The following CNTN5 variants were observed in gnomAD, a reference collection of about 807,000 sequenced individuals.
CNTN5 encodes contactin-5.
Under a neutral mutation model 129.1 loss-of-function variants are expected in CNTN5, and 77 were observed. That is an observed-to-expected ratio of 0.60 (90% confidence interval 0.50 to 0.72). The LOEUF is 0.72. CNTN5 is among the 30% of genes least tolerant of loss of function. The pLI, the probability that CNTN5 is intolerant of heterozygous loss-of-function variation, is 0.00. For missense variants in CNTN5, 1,478 were observed against 1,328.8 expected (o/e 1.11, Z -1.75); for synonymous variants, 509 against 465.6 (o/e 1.09, Z -1.20).
intron 1 of CNTN5, among the ~76,000 whole-genome samples, chr11:99,034,481 T>C (rs1358427226): frequency 6.6e-6 from 1 of 151,726 alleles, no homozygotes; most frequent in Admixed American, 6.6e-5. Flanking sequence ...TTCAACTTCT[T>C]CCTGGTTTAG....
intron 9 of CNTN5, among the ~76,000 whole-genome samples, chr11:100,011,254 C>T (rs1243878209): frequency 6.6e-6 from 1 of 152,094 alleles, no homozygotes; most frequent in East Asian, 1.9e-4. Context: ...AGAAAGAGCA[C>T]TAGATATGTC....
chr11:100,206,738 A>G (rs1053498809), intron 15 of CNTN5, among the ~76,000 whole-genome samples: 9 of 152,132 alleles, frequency 5.9e-5, no homozygotes, highest in Non-Finnish European at 1.3e-4. Flanking sequence ...GACTAATATC[A>G]GAACTTCTGC....
chr11:99,359,557 T>A lies in CNTN5; in HGVS notation c.-71+34073T>A, dbSNP rs375465264. Among the ~76,000 whole-genome samples, 19 of 151,112 alleles carry A rather than the reference T, an allele frequency of 1.3e-4. No individual in the cohort carries two copies. In the East Asian group the frequency reaches 1.5e-3, roughly 12 times the overall value. Reference sequence around the variant, plus strand: ...AGCTCCCGAAGTCTTACCTTGTTCCTTATTTATATATGTAAATTACCTTAT... The same window carrying A: ...AGCTCCCGAAGTCTTACCTTGTTCCATATTTATATATGTAAATTACCTTAT... On this transcript the variant is annotated intron_variant, in intron 2 of 24. Transcript: ENST00000524871.
At chr11:100,016,391 T>G (rs1052616484) in intron 9 of CNTN5, among the ~76,000 whole-genome samples, 4 of 152,122 alleles carry the variant, frequency 2.6e-5, no homozygotes, top group African/African-American at 9.7e-5. Context: ...TATTCTTTAC[T>G]TTTATTTTGT....
chr11:100,158,349 A>G (rs1201885196), intron 13 of CNTN5, among the ~76,000 whole-genome samples: 1 of 151,468 alleles, frequency 6.6e-6, no homozygotes, highest in African/African-American at 2.4e-5. Context: ...ATAATAATGT[A>G]TTGCATACTT....
rs115814730 is a variant in CNTN5, at chr11:99,739,885, A to G, written c.56-79659A>G. Among the ~76,000 whole-genome samples the G allele has an allele frequency of 2.6e-3, 402 of 152,286 alleles. 2 individuals carry two copies. Among genetic ancestry groups the G allele is most frequent in the African/African-American group, 9.2e-3 (382 of 41,574 alleles). On this transcript the variant is annotated intron_variant, in intron 3 of 24. Coordinates refer to ENST00000524871, the MANE Select transcript of CNTN5 (RefSeq NM_014361.4). ...GGAGCTTTTAAAAACTTTAGCTGGC[A>G]CAAGGGACTAGGTGTGTTAAATATG...
At chr11:99,882,070 G>A (rs1433224595) in intron 6 of CNTN5, among the ~76,000 whole-genome samples, 1 of 152,154 alleles carries the variant, frequency 6.6e-6, no homozygotes, top group Admixed American at 6.5e-5. Flanking sequence ...CTGACACAAA[G>A]CCATCTCAGC....
chr11:99,533,768 C>T (rs1031120935), intron 2 of CNTN5, among the ~76,000 whole-genome samples: 1 of 152,166 alleles, frequency 6.6e-6, no homozygotes, highest in Non-Finnish European at 1.5e-5. Context: ...CTCACTACTC[C>T]CTTTGTTGGA....
intron 6 of CNTN5, among the ~76,000 whole-genome samples, chr11:99,864,067 G>C (rs560984845): frequency 6.6e-6 from 1 of 152,158 alleles, no homozygotes; most frequent in Non-Finnish European, 1.5e-5. Flanking sequence ...GCTCACGGAT[G>C]TATCTCAAGT....
At chr11:99,721,209 T>G (rs1195404091) in intron 3 of CNTN5, among the ~76,000 whole-genome samples, 1 of 152,038 alleles carries the variant, frequency 6.6e-6, no homozygotes, top group Non-Finnish European at 1.5e-5. Flanking sequence ...GACAAAGCTT[T>G]TGGCATCATG....
At chr11:99,983,021 A>G (rs999126597) in intron 8 of CNTN5, among the ~76,000 whole-genome samples, 1 of 152,188 alleles carries the variant, frequency 6.6e-6, no homozygotes, top group Non-Finnish European at 1.5e-5. Flanking sequence ...AGAAGTTAAT[A>G]AATCCATGAT....
At chr11:99,661,508 T>C (rs1952591147) in intron 3 of CNTN5, among the ~76,000 whole-genome samples, 1 of 152,096 alleles carries the variant, frequency 6.6e-6, no homozygotes, top group Non-Finnish European at 1.5e-5. Context: ...ATTTATTATA[T>C]ATTAGATTTT....
chr11:100,138,622 G>A (rs906707651), intron 13 of CNTN5, among the ~76,000 whole-genome samples: 13 of 151,988 alleles, frequency 8.6e-5, no homozygotes, highest in Admixed American at 2.0e-4. Context: ...TGGGGAGAGC[G>A]GTAGGTGATG....
chr11:100,070,225 C>A (rs1359448250), intron 10 of CNTN5, among the ~76,000 whole-genome samples, 199 bp from the exon 11 acceptor site: 1 of 149,900 alleles, frequency 6.7e-6, no homozygotes, highest in Non-Finnish European at 1.5e-5. Context: ...TTTATATTAT[C>A]AAAATATCTT....
At chr11:99,430,568 G>A (rs2135101185) in intron 2 of CNTN5, among the ~76,000 whole-genome samples, 1 of 151,072 alleles carries the variant, frequency 6.6e-6, no homozygotes, top group East Asian at 1.9e-4. Context: ...TTTTAACCAT[G>A]GGCCTCCTAA....
chr11:99,568,803 C>A (rs1282423209), intron 3 of CNTN5, among the ~76,000 whole-genome samples: 1 of 152,082 alleles, frequency 6.6e-6, no homozygotes, highest in Non-Finnish European at 1.5e-5. Context: ...TGAGAAAAAT[C>A]CTATTTTGCT....
At chr11:99,062,124 C>T (rs1184289175) in intron 1 of CNTN5, among the ~76,000 whole-genome samples, 1 of 152,134 alleles carries the variant, frequency 6.6e-6, no homozygotes, top group Non-Finnish European at 1.5e-5. Flanking sequence ...AAGAAAAAAA[C>T]CCAAGACAAT....
chr11:99,648,171 T>C (rs1164265608), intron 3 of CNTN5, among the ~76,000 whole-genome samples: 5 of 152,032 alleles, frequency 3.3e-5, no homozygotes, highest in Admixed American at 2.6e-4. Context: ...TCTGCATCTA[T>C]TGAAATTATT....
At chr11:99,392,235 T>A (rs900350026) in intron 2 of CNTN5, among the ~76,000 whole-genome samples, 7 of 151,430 alleles carry the variant, frequency 4.6e-5, no homozygotes, top group Non-Finnish European at 8.9e-5. Flanking sequence ...AAAATAAAAA[T>A]AAAAAACTCA....
Sources: allele counts gnomAD v4.1 joint callset (sites outside exome capture counted in the v4.1 genomes callset), GRCh38; gene constraint gnomAD v4.1.1; transcripts MANE v1.5; gene names NCBI Gene and HGNC (gene_info 2026-07-23, HGNC 2026-07-21).